The following C16orf74 variants were observed in gnomAD, a reference collection of about 807,000 sequenced individuals.
C16orf74 encodes the protein calcimembrin.
In C16orf74, 10 loss-of-function variants were observed where a neutral mutation model predicts 6.5. The observed-to-expected ratio is 1.54, with a 90% CI of 0.95 to 2.61. The LOEUF (loss-of-function observed/expected upper bound fraction) is 2.61, where lower values mean the gene tolerates loss of function less well. Ranked by LOEUF, C16orf74 falls within the 30% of genes most tolerant of loss-of-function variation. The pLI is 0.00. For synonymous variants in C16orf74, 60 were observed against 42.5 expected (o/e 1.41, Z -1.60); for missense variants, 141 against 105.9 (o/e 1.33, Z -1.45).
rs560811961 is a variant in C16orf74 at position 85,748,547 on chromosome 16, G to A, written c.-19+2379C>T. On this transcript the variant is annotated intron_variant, in intron 1 of 3. Coordinates refer to ENST00000284245, the MANE Select transcript of C16orf74 (RefSeq NM_206967.3). Reference sequence around the variant, plus strand: ...TGGGAGGCGGAGGTTGCAGTGAGCCGAGATCACGCCACTGCACTCCAGCCT... The same window carrying A: ...TGGGAGGCGGAGGTTGCAGTGAGCCAAGATCACGCCACTGCACTCCAGCCT... Among the ~76,000 whole-genome samples the A allele has an allele frequency of 1.7e-3, 262 of 152,000 alleles. 1 individual carries two copies. Among genetic ancestry groups the A allele is most frequent in the Non-Finnish European group, 2.5e-3 (169 of 68,018 alleles).
Position 85,722,189 on chromosome 16 carries a change from A to G in C16orf74, c.29-11882T>C, listed in dbSNP as rs75136059. 6.7e-3 allele frequency among the ~76,000 whole-genome samples: 1,013 copies of G among 152,032 alleles called. 9 individuals carry two copies. Among genetic ancestry groups the G allele is most frequent in the African/African-American group, 0.023 (966 of 41,480 alleles). On this transcript the variant is annotated intron_variant, in intron 2 of 3. Coordinates refer to ENST00000284245, the MANE Select transcript of C16orf74 (RefSeq NM_206967.3). ...CTGACTGTAACTTTTGCCCTAGATAATAACCTGTATACTGCAGTGCTGTCA... is the reference window on the plus strand; with the variant it reads ...CTGACTGTAACTTTTGCCCTAGATAGTAACCTGTATACTGCAGTGCTGTCA...
intron 2 of C16orf74, among the ~76,000 whole-genome samples, chr16:85,723,330 A>G (rs1464981476): frequency 6.7e-6 from 1 of 150,250 alleles, no homozygotes; most frequent in Non-Finnish European, 1.5e-5. Context: ...TGGGAGGCCG[A>G]GGAAGGAGGA....
chr16:85,710,105 G>C lies in C16orf74; in HGVS notation c.172+59C>G, dbSNP rs529047452. 1.2e-3 allele frequency: 1,588 copies of C among 1,349,196 alleles called. 2 individuals carry two copies. Among genetic ancestry groups the C allele is most frequent in the Non-Finnish European group, 1.3e-3 (1,403 of 1,048,512 alleles). 83.6% of individuals were successfully genotyped at this position (1,349,196 alleles called of 1,614,324 possible). On this transcript the variant is annotated intron_variant, in intron 3 of 3. Transcript: ENST00000284245. ...GTGGCCAGGAAGGACGCCCCTGAGA[G>C]CTGTCTCCACCGGGCCCCCACAGCC...
Position 85,735,018 on chromosome 16 carries a change from C to T in C16orf74, c.28+172G>A, listed in dbSNP as rs530403823. Among the ~76,000 whole-genome samples, 6 of 152,306 alleles carry T rather than the reference C, an allele frequency of 3.9e-5. No homozygotes were observed. In the South Asian group the frequency reaches 1.2e-3, roughly 32 times the overall value. ...GTGAAATAGAAGGCCTGGAGGGGTG[C>T]TCAGAGTCAGGACAAGCATTTTTAG... On this transcript the variant is annotated intron_variant, in intron 2 of 3. Transcript: ENST00000284245.
intron 2 of C16orf74, among the ~76,000 whole-genome samples, chr16:85,712,111 T>C (rs2053976331): frequency 6.6e-6 from 1 of 152,218 alleles, no homozygotes; most frequent in African/African-American, 2.4e-5. Flanking sequence ...AAGCAGCCTG[T>C]GGAGCAGCTC....
intron 2 of C16orf74, among the ~76,000 whole-genome samples, chr16:85,719,975 C>T (rs192319694): frequency 6.6e-5 from 10 of 152,108 alleles, no homozygotes; most frequent in Admixed American, 1.3e-4. Flanking sequence ...CAGAGATGAC[C>T]GGGTGTCTGG....
intron 2 of C16orf74, among the ~76,000 whole-genome samples, chr16:85,721,241 G>A (rs1359409090): frequency 6.6e-6 from 1 of 151,930 alleles, no homozygotes; most frequent in Admixed American, 6.5e-5. Context: ...CACGTACTTG[G>A]CACCCTGCCT....
At chr16:85,730,292 G>A (rs1040566442) in intron 2 of C16orf74, among the ~76,000 whole-genome samples, 1 of 152,150 alleles carries the variant, frequency 6.6e-6, no homozygotes, top group Admixed American at 6.5e-5. Context: ...CTCCCTAGAG[G>A]AGCCCATGTC....
At position 85,740,425 on chromosome 16, in the gene C16orf74, G is replaced by T. The variant is rs1187768570; in HGVS notation, c.-18-5190C>A. Among the ~76,000 whole-genome samples the T allele has an allele frequency of 2.0e-5, 3 of 151,114 alleles. No individual in the cohort carries two copies. In the South Asian group the frequency reaches 6.3e-4, roughly 32 times the overall value. On this transcript the variant is annotated intron_variant, in intron 1 of 3. Transcript: ENST00000284245. ...TACAAAAAATTATCCAGGTGTGGCC[G>T]GGCGCGGTGGCTCACGCCTGTAATC...
intron 3 of C16orf74, among the ~76,000 whole-genome samples, chr16:85,709,294 C>T (rs2053943589): frequency 6.6e-6 from 1 of 152,144 alleles, no homozygotes; most frequent in South Asian, 2.1e-4. Context: ...GTGGAGGTTG[C>T]AGTGAGCTGA....
intron 1 of C16orf74, among the ~76,000 whole-genome samples, chr16:85,735,865 G>A (rs942567138): frequency 6.6e-5 from 10 of 152,282 alleles, no homozygotes; most frequent in Non-Finnish European, 1.2e-4. Context: ...AGCCAGTGGT[G>A]CGGGGCCCCT....
intron 2 of C16orf74, among the ~76,000 whole-genome samples, chr16:85,729,353 G>A (rs1555585850): frequency 6.6e-6 from 1 of 152,218 alleles, no homozygotes; most frequent in Non-Finnish European, 1.5e-5. Context: ...CAGTCACCAT[G>A]GCCAGGCCCT....
chr16:85,720,216 G>A (rs534106005), intron 2 of C16orf74, among the ~76,000 whole-genome samples: 13 of 152,276 alleles, frequency 8.5e-5, no homozygotes, highest in South Asian at 4.1e-4. Context: ...CCTAGCTTGC[G>A]TCAGGGATGA....
At chr16:85,750,462 G>T (rs2054424665) in intron 1 of C16orf74, among the ~76,000 whole-genome samples, 1 of 152,248 alleles carries the variant, frequency 6.6e-6, no homozygotes, top group Non-Finnish European at 1.5e-5. Flanking sequence ...GGAGCGCAGG[G>T]GGGCCCCTAA....
intron 2 of C16orf74, among the ~76,000 whole-genome samples, chr16:85,732,063 G>C (rs1316854061): frequency 2.0e-5 from 3 of 152,214 alleles, no homozygotes; most frequent in Non-Finnish European, 4.4e-5. Flanking sequence ...GCAAATGACA[G>C]TTGTCCTTAA....
At chr16:85,742,146 C>G (rs2152065893) in intron 1 of C16orf74, among the ~76,000 whole-genome samples, 1 of 152,226 alleles carries the variant, frequency 6.6e-6, no homozygotes, top group East Asian at 1.9e-4. Context: ...GCTGAGGTGG[C>G]TGGATCACTT....
intron 1 of C16orf74, among the ~76,000 whole-genome samples, chr16:85,736,168 G>A (rs543576841): frequency 4.7e-4 from 71 of 152,294 alleles, no homozygotes; most frequent in African/African-American, 1.6e-3. Context: ...GGGAGAAGCC[G>A]AAGATGGGTG....
chr16:85,729,745 C>G (rs1314870001), intron 2 of C16orf74, among the ~76,000 whole-genome samples: 3 of 152,060 alleles, frequency 2.0e-5, no homozygotes, highest in African/African-American at 4.8e-5. Context: ...TGCAGGGCAA[C>G]ATGAAGAGAG....
chr16:85,711,170 C>A (rs775412194), intron 2 of C16orf74, among the ~76,000 whole-genome samples: 51 of 151,402 alleles, frequency 3.4e-4, no homozygotes, highest in Non-Finnish European at 5.9e-4. Flanking sequence ...GAAAATTAGC[C>A]CGGTGTGGTG....
Sources: gnomAD v4.1 joint callset for allele counts (sites outside exome capture counted in the v4.1 genomes callset) on GRCh38, gnomAD v4.1.1 for gene constraint, MANE v1.5 for transcripts, NCBI Gene and HGNC (gene_info 2026-07-23, HGNC 2026-07-21) for gene names.